Variants in PXMP4 observed in about 807,000 individuals in gnomAD.
PXMP4 encodes 24 kDa peroxisomal intrinsic membrane protein.
PXMP4 carries 16 observed loss-of-function variants against 21.6 expected under a neutral mutation model. That is an observed-to-expected ratio of 0.74 (90% CI 0.50 to 1.13). PXMP4 has a LOEUF of 1.13. PXMP4 is among the 50% of genes most tolerant of loss of function. PXMP4 has a pLI of 0.00. For synonymous variants in PXMP4, 127 were observed against 123.8 expected (o/e 1.03, Z -0.17); for missense variants, 240 against 277.7 (o/e 0.86, Z 0.96).
Position 33,705,985 on chromosome 20 carries a change from G to A in PXMP4, c.*1721C>T, listed in dbSNP as rs145337269. ...CTGTGGCCCAGGCTGGAGTGCAGTCGTGCGATCTCAGCTCACTGCAGCCTC... is the reference window on the plus strand; with the variant it reads ...CTGTGGCCCAGGCTGGAGTGCAGTCATGCGATCTCAGCTCACTGCAGCCTC... On this transcript the variant is annotated 3_prime_UTR_variant, in exon 4 of 4. Coordinates refer to ENST00000409299, the MANE Select transcript of PXMP4 (RefSeq NM_007238.5). 1,339 of 151,552 alleles carry A rather than the reference G, an allele frequency of 8.8e-3. 14 individuals carry two copies. Among genetic ancestry groups the A allele is most frequent in the Non-Finnish European group, 0.014 (940 of 67,952 alleles). 9.4% of individuals were successfully genotyped at this position (151,552 alleles called of 1,614,324 possible). A position where few individuals can be genotyped will look rare whatever the true frequency, so the allele number is the denominator to read the frequency against.
At chr20:33,720,021 G>A in intron 1 of PXMP4, 74 bp downstream of exon 1, 1 of 1,412,038 alleles carries the variant, frequency 7.1e-7, no homozygotes, top group Non-Finnish European at 1.0e-6. Context: ...CCGCGGCATC[G>A]GACTTCGAAC....
rs1014948016 is a variant in PXMP4, at chr20:33,714,742, G to C, written c.114-6C>G. 4 of 1,613,326 alleles carry C rather than the reference G, an allele frequency of 2.5e-6. No homozygotes were observed. In the African/African-American group the frequency reaches 4.0e-5, roughly 16 times the overall value. On this transcript the variant is annotated splice_region_variant and splice_polypyrimidine_tract_variant and intron_variant, in intron 1 of 3. Coordinates refer to ENST00000409299, the MANE Select transcript of PXMP4 (RefSeq NM_007238.5). ...CCCGGATTTTGGCTCCATAGCTGTA[G>C]AAACAGAAGAAAACAGTTACTATAA...
chr20:33,712,106 G>A (rs2018333649), intron 2 of PXMP4, among the ~76,000 whole-genome samples: 1 of 152,172 alleles, frequency 6.6e-6, no homozygotes, highest in South Asian at 2.1e-4. Context: ...GACCCTAAAT[G>A]AGTGAGAGGG....
chr20:33,711,749 C>T (rs976047681), intron 2 of PXMP4, among the ~76,000 whole-genome samples: 3 of 151,896 alleles, frequency 2.0e-5, no homozygotes, highest in South Asian at 2.1e-4. Flanking sequence ...CCCAGCACTT[C>T]GAGAGGTCAA....
intron 3 of PXMP4, 50 bp downstream of exon 3, chr20:33,710,505 T>A: frequency 2.4e-5 from 15 of 623,406 alleles, no homozygotes; most frequent in Non-Finnish European, 3.3e-5. Context: ...CCCCCACCTC[T>A]GTGCTGAACC....
rs1314909865 is a variant in PXMP4, at chr20:33,710,598, C to A, written c.332G>T (p.Gly111Val). Residue 111 changes from glycine (G) to valine (V), a missense_variant, in exon 3 of 4, where the codon GGG becomes GTG. By Grantham distance (109) the Gly-to-Val change is moderately radical. Coordinates refer to ENST00000409299, the MANE Select transcript of PXMP4 (RefSeq NM_007238.5). ...PAHAFLAAFL[G>V]GILVFGENNN... ...GTTTTCTCCAAACACCAGGATACCC[C>A]CGAGGAAGGCCGCCAGGAATGCGTG... is the stretch of plus-strand genomic sequence containing the variant. 6.2e-7 allele frequency: 1 copy of A among 1,613,272 alleles called. No homozygotes were observed. The highest frequency in any genetic ancestry group is 8.5e-7 in the Non-Finnish European group (1 of 1,179,652).
chr20:33,708,694 T>G (rs989845343), intron 3 of PXMP4, among the ~76,000 whole-genome samples: 1 of 151,408 alleles, frequency 6.6e-6, no homozygotes, highest in African/African-American at 2.4e-5. Context: ...GTAAAATTTT[T>G]TTTTCTTTTT....
At chr20:33,714,142 G>A (rs948854531) in intron 2 of PXMP4, among the ~76,000 whole-genome samples, 1 of 152,236 alleles carries the variant, frequency 6.6e-6, no homozygotes, top group African/African-American at 2.4e-5. Context: ...ACGGGGGTCA[G>A]CTGAGGCCAG....
chr20:33,709,422 G>C (rs189043185), intron 3 of PXMP4, among the ~76,000 whole-genome samples: 3 of 152,266 alleles, frequency 2.0e-5, no homozygotes, highest in African/African-American at 7.2e-5. Context: ...AGTTTTTAGA[G>C]TGTATTAAGT....
chr20:33,719,538 A>G (rs144004349), intron 1 of PXMP4, among the ~76,000 whole-genome samples: 158 of 152,166 alleles, frequency 1.0e-3, no homozygotes, highest in African/African-American at 3.6e-3. Context: ...TGACCCCAAG[A>G]CCTCTCTTGC....
intron 2 of PXMP4, among the ~76,000 whole-genome samples, chr20:33,713,311 T>G (rs1336574967): frequency 1.3e-5 from 2 of 152,112 alleles, no homozygotes; most frequent in Non-Finnish European, 2.9e-5. Flanking sequence ...GTCTTTGCAC[T>G]GGCTATGCCC....
rs2018230789 is a variant in PXMP4 at position 33,703,886 on chromosome 20, C to T, written c.*3820G>A. The T allele has an allele frequency of 6.6e-6, 1 of 152,258 alleles. No homozygotes were observed. The highest frequency in any genetic ancestry group is 2.1e-4 in the South Asian group (1 of 4,834). The allele number at this position is 152,258 out of a possible 1,614,324, so 9.4% of individuals were successfully genotyped here. A position where few individuals can be genotyped will look rare whatever the true frequency, so the allele number is the denominator to read the frequency against. The stretch of plus-strand genomic sequence containing the variant: ...AGAAAGACAGAGGGGCGGCCACTGG[C>T]AAAGCTGGCTAGTGTGCACCAGAGT... On this transcript the variant is annotated 3_prime_UTR_variant, in exon 4 of 4. Coordinates refer to ENST00000409299, the MANE Select transcript of PXMP4 (RefSeq NM_007238.5).
At chr20:33,712,848 CT>C (rs2018345009) in intron 2 of PXMP4, among the ~76,000 whole-genome samples, 1 of 152,218 alleles carries the variant, frequency 6.6e-6, no homozygotes, top group Non-Finnish European at 1.5e-5. Flanking sequence ...CCAGGATGGT[CT>C]TGATCTCCTG....
rs1373349758 is a variant in PXMP4 at position 33,705,787 on chromosome 20, A to T, written c.*1919T>A. The T allele has an allele frequency of 6.6e-6, 1 of 152,104 alleles. No individual in the cohort carries two copies. The highest frequency in any genetic ancestry group is 1.5e-5 in the Non-Finnish European group (1 of 68,024). The allele number at this position is 152,104 out of a possible 1,614,324, so 9.4% of individuals were successfully genotyped here. On this transcript the variant is annotated 3_prime_UTR_variant, in exon 4 of 4. Transcript: ENST00000409299. ...TTGCATAGCATGGCTTAGGTTTCTA[A>T]ATTTGAAACAAGGCACTGGAAAAAA...
Position 33,707,858 on chromosome 20 carries a change from C to G in PXMP4, c.487G>C (p.Val163Leu). 6.2e-7 allele frequency: 1 copy of G among 1,614,174 alleles called. No individual in the cohort carries two copies. Among genetic ancestry groups the G allele is most frequent in the Non-Finnish European group, 8.5e-7 (1 of 1,180,042 alleles). Residue 163 changes from valine (V) to leucine (L), a missense_variant, in exon 4 of 4, where the codon GTG (valine) becomes CTG (leucine). Coordinates refer to ENST00000409299, the MANE Select transcript of PXMP4 (RefSeq NM_007238.5). ...AAGAGCCACAGCACCAGCCCCCACA[C>G]CACCGCAGTGAGCAGCGGGAACGGG... ...WDPFPLLTAV[V>L]WGLVLWLFEY...
chr20:33,707,700 G>T lies in PXMP4; in HGVS notation c.*6C>A. 6.2e-7 allele frequency: 1 copy of T among 1,613,146 alleles called. No individual in the cohort carries two copies. The highest frequency in any genetic ancestry group is 1.1e-5 in the South Asian group (1 of 91,028). On this transcript the variant is annotated 3_prime_UTR_variant, in exon 4 of 4. Transcript: ENST00000409299. The stretch of plus-strand genomic sequence containing the variant: ...TTGAGCCACAGCCAGACACCTCAGG[G>T]CTGCATTAATTGGAGGGACGGCTCT...
chr20:33,712,559 C>T (rs545641175), intron 2 of PXMP4, among the ~76,000 whole-genome samples: 3 of 152,222 alleles, frequency 2.0e-5, no homozygotes, highest in Non-Finnish European at 4.4e-5. Context: ...GAGCGATTCT[C>T]CTGCCTCAGC....
intron 1 of PXMP4, among the ~76,000 whole-genome samples, chr20:33,718,367 C>T (rs373847209): frequency 6.6e-6 from 1 of 151,560 alleles, no homozygotes; most frequent in East Asian, 1.9e-4. Context: ...AAAAATTAGC[C>T]GGGCGTGGTG....
Position 33,707,874 on chromosome 20 carries a change from C to T in PXMP4, c.471G>A (p.Pro157=), listed in dbSNP as rs551682855. The change falls in exon 4 of 4, where the codon CCG becomes CCA. Residue 157 remains proline, a synonymous_variant. Transcript: ENST00000409299. ...GCCCCCACACCACCGCAGTGAGCAG[C>T]GGGAACGGGTCCCACCTGGGTTCAG... ...YIPEPRWDPF[P]LLTAVVWGLV... is the part of the protein sequence containing the mutation. 29 of 1,614,110 alleles carry T rather than the reference C, an allele frequency of 1.8e-5. No homozygotes were observed. The highest frequency in any genetic ancestry group is 1.8e-4 in the South Asian group (16 of 91,072).
Sources: gnomAD v4.1 joint callset for allele counts (sites outside exome capture counted in the v4.1 genomes callset) on GRCh38, gnomAD v4.1.1 for gene constraint, MANE v1.5 for transcripts, NCBI Gene and HGNC (gene_info 2026-07-23, HGNC 2026-07-21) for gene names.